PADI2: variants seen among roughly 807,000 people sequenced by gnomAD.
PADI2 encodes the protein protein-arginine deiminase type-2.
PADI2 carries 70 observed loss-of-function variants against 81.1 expected under a neutral mutation model. The observed-to-expected ratio is 0.86, with a 90% CI of 0.71 to 1.05. PADI2 has a LOEUF of 1.05. Among genes scored for constraint, PADI2 ranks in the 50% least tolerant of loss-of-function variants. The pLI, the probability that PADI2 is intolerant of heterozygous loss-of-function variation, is 0.00. For synonymous variants in PADI2, 338 were observed against 358.0 expected, an observed-to-expected ratio of 0.94 and a Z score of 0.63; for missense variants, 853 against 889.9, an observed-to-expected ratio of 0.96 and a Z score of 0.53.
chr1:17,093,787 C>T, intron 4 of PADI2, 103 bp from the exon 5 acceptor site: 1 of 679,118 alleles, frequency 1.5e-6, no homozygotes, highest in South Asian at 2.0e-5. Flanking sequence ...AGAGTAGCCG[C>T]CACCCACTGG....
At chr1:17,089,463 G>A (rs1166809579) in intron 6 of PADI2, among the ~76,000 whole-genome samples, 1 of 152,184 alleles carries the variant, frequency 6.6e-6, no homozygotes, top group East Asian at 1.9e-4. Context: ...CTTTCCCAGG[G>A]CTCAGAGCAC....
chr1:17,080,498 T>G (rs1392043400), intron 10 of PADI2, among the ~76,000 whole-genome samples: 1 of 152,148 alleles, frequency 6.6e-6, no homozygotes, highest in East Asian at 1.9e-4. Flanking sequence ...GCAATCAACA[T>G]GGAATGCCAG....
At chr1:17,070,307 AGGGGCCCCG>A in intron 14 of PADI2, 91 bp from the exon 15 acceptor site, 1 of 1,546,258 alleles carries the variant, frequency 6.5e-7, no homozygotes. Flanking sequence ...GCACCAGGCC[AGGGGCCCCG>A]GCACTCCAGA....
rs1179338236 is a variant in PADI2, at chr1:17,082,592, A to G, written c.1111T>C (p.Ser371Pro). Residue 371 changes from serine to proline, a missense_variant, in exon 10 of 16, where the codon TCT (serine) becomes CCT (proline). Ser to Pro is a moderately conservative substitution (Grantham distance 74, BLOSUM62 -1). Transcript: ENST00000375486. ...TCCTTTAGGTTTCCATCTCGGGGAG[A>G]GTCCAGCACCACGGGGAAGCCTTTA... ...PHKGFPVVLD[S>P]PRDGNLKDFP... is the part of the protein sequence containing the mutation. 3 of 1,612,772 alleles carry G rather than the reference A, an allele frequency of 1.9e-6. No individual in the cohort carries two copies. The highest frequency in any genetic ancestry group is 2.5e-6 in the Non-Finnish European group (3 of 1,179,586).
At chr1:17,088,906 CAAAA>C (rs753463253) in intron 6 of PADI2, among the ~76,000 whole-genome samples, 27 of 38,820 alleles carry the variant, frequency 7.0e-4, no homozygotes, top group Middle Eastern at 9.8e-3. Flanking sequence ...GACTCCATCT[CAAAA>C]AAAAAAAAAA....
chr1:17,076,816 A>T (rs1437429430), intron 11 of PADI2, among the ~76,000 whole-genome samples: 1 of 151,926 alleles, frequency 6.6e-6, no homozygotes, highest in African/African-American at 2.4e-5. Context: ...TGACTTCGTG[A>T]TCTGCCCACC....
chr1:17,089,005 C>T (rs1469734963), intron 6 of PADI2, among the ~76,000 whole-genome samples: 3 of 151,422 alleles, frequency 2.0e-5, no homozygotes, highest in African/African-American at 4.9e-5. Context: ...ATAATGATAC[C>T]CACGCCACAG....
At chr1:17,098,051 C>T (rs905800537) in intron 3 of PADI2, among the ~76,000 whole-genome samples, 5 of 152,078 alleles carry the variant, frequency 3.3e-5, no homozygotes, top group Non-Finnish European at 2.9e-5. Context: ...CACCCCCTAA[C>T]GATACAGATG....
At chr1:17,098,917 C>T (rs1931041852) in intron 3 of PADI2, among the ~76,000 whole-genome samples, 1 of 152,230 alleles carries the variant, frequency 6.6e-6, no homozygotes, top group Non-Finnish European at 1.5e-5. Context: ...CTTGGGATGG[C>T]TCTGCCTTCC....
chr1:17,117,736 G>A lies in PADI2; in HGVS notation c.92+1544C>T, dbSNP rs372345660. On this transcript the variant is annotated intron_variant, in intron 1 of 15. Transcript: ENST00000375486. ...GGAGGATCATGCCAGCTTTTCAGGC[G>A]GCACCAACCATGCCCCAGCAAATAA... Among the ~76,000 whole-genome samples, 172 of 152,356 alleles carry A rather than the reference G, an allele frequency of 1.1e-3. 1 individual carries two copies. Among genetic ancestry groups the A allele is most frequent in the African/African-American group, 4.0e-3 (166 of 41,584 alleles).
chr1:17,068,786 T>C lies in PADI2; in HGVS notation c.*258A>G, dbSNP rs2235926. Reference sequence around the variant, plus strand: ...TGGTTTGCTGTGTTTTGTTGTGTTCTGTTCCTTATGTCAGGGCTACAGAGA... The same window carrying C: ...TGGTTTGCTGTGTTTTGTTGTGTTCCGTTCCTTATGTCAGGGCTACAGAGA... On this transcript the variant is annotated 3_prime_UTR_variant, in exon 16 of 16. Transcript: ENST00000375486. The C allele has an allele frequency of 0.33, 172,010 of 527,180 alleles. 29,908 individuals are homozygous for C. Among genetic ancestry groups the C allele is most frequent in the East Asian group, 0.57 (17,383 of 30,246 alleles). The allele number at this position is 527,180 out of a possible 1,614,324, so 32.7% of individuals were successfully genotyped here. A position where few individuals can be genotyped will look rare whatever the true frequency, so the allele number is the denominator to read the frequency against.
chr1:17,075,905 C>T (rs935138047), intron 11 of PADI2, 82 bp from the exon 12 acceptor site: 116 of 1,344,302 alleles, frequency 8.6e-5, no homozygotes, highest in Non-Finnish European at 1.2e-4. Context: ...CTCTGGGACC[C>T]ACCTCGGACC....
At chr1:17,078,425 AG>A (rs1265869644) in intron 11 of PADI2, among the ~76,000 whole-genome samples, 2 of 148,306 alleles carry the variant, frequency 1.3e-5, no homozygotes, top group African/African-American at 5.0e-5. Flanking sequence ...TTTTTTTGCC[AG>A]AGTCTCTCTC....
intron 6 of PADI2, 33 bp from the exon 7 acceptor site, chr1:17,086,732 C>T: frequency 6.3e-7 from 1 of 1,596,674 alleles, no homozygotes; most frequent in Non-Finnish European, 8.6e-7. Context: ...CAGACTCCCA[C>T]CCGCATCAGA....
At chr1:17,100,755 G>C (rs1167701185) in intron 3 of PADI2, among the ~76,000 whole-genome samples, 1 of 149,910 alleles carries the variant, frequency 6.7e-6, no homozygotes, top group East Asian at 2.0e-4. Flanking sequence ...TCCACCTCTT[G>C]GGTTCAAGCA....
chr1:17,105,924 G>C (rs533366288), intron 1 of PADI2, among the ~76,000 whole-genome samples: 2 of 152,282 alleles, frequency 1.3e-5, no homozygotes, highest in Admixed American at 1.3e-4. Flanking sequence ...GCCTCTGATG[G>C]GAGGCCAGTT....
chr1:17,069,695 A>G (rs2078251460), intron 15 of PADI2, among the ~76,000 whole-genome samples: 1 of 152,130 alleles, frequency 6.6e-6, no homozygotes, highest in Admixed American at 6.5e-5. Flanking sequence ...GTGTCCATGC[A>G]TGCACATGTG....
chr1:17,077,195 C>T (rs2078310242), intron 11 of PADI2, among the ~76,000 whole-genome samples: 2 of 152,292 alleles, frequency 1.3e-5, no homozygotes, highest in Admixed American at 1.3e-4. Context: ...CTAAGGCACC[C>T]CTGTCCCCAG....
rs1278446569 is a variant in PADI2 at position 17,119,379 on chromosome 1, G to A, written c.-8C>T. On this transcript the variant is annotated 5_prime_UTR_variant, in exon 1 of 16. Coordinates refer to ENST00000375486, the MANE Select transcript of PADI2 (RefSeq NM_007365.3). The surrounding 1 kb of genome is among the most constrained non-coding windows in gnomAD (Gnocchi z 4.8). ...GGTCCGCTCGCGCAGCATCCTCCCCGCCGCAGTGCCCGCGCTCGCTGGTCC... is the reference window on the plus strand; with the variant it reads ...GGTCCGCTCGCGCAGCATCCTCCCCACCGCAGTGCCCGCGCTCGCTGGTCC... The A allele has an allele frequency of 5.2e-6, 8 of 1,525,798 alleles. No homozygotes were observed. The highest frequency in any genetic ancestry group is 4.3e-5 in the African/African-American group (3 of 69,922). The allele number at this position is 1,525,798 out of a possible 1,614,324, so 94.5% of individuals were successfully genotyped here.
Sources: allele counts gnomAD v4.1 joint callset (sites outside exome capture counted in the v4.1 genomes callset), GRCh38; gene constraint gnomAD v4.1.1; non-coding constraint Gnocchi (gnomAD v3.1); transcripts MANE v1.5; gene names NCBI Gene and HGNC (gene_info 2026-07-23, HGNC 2026-07-21).